Variants in PHF24 observed in about 807,000 individuals in gnomAD.
The protein encoded by PHF24 is PHD finger protein 24, also known as Galpha inhibitory interacting protein.
Under a neutral mutation model 42.6 loss-of-function variants are expected in PHF24, and 25 were observed. The observed-to-expected ratio is 0.59, with a 90% CI of 0.43 to 0.82. The LOEUF (loss-of-function observed/expected upper bound fraction) is 0.82. PHF24 is among the 40% of genes least tolerant of loss of function. The pLI is 0.00. For synonymous variants in PHF24, 185 were observed against 204.8 expected (o/e 0.90, Z 0.83); for missense variants, 470 against 538.1 (o/e 0.87, Z 1.25).
chr9:34,961,171 T>C (rs1826577366), intron 1 of PHF24, among the ~76,000 whole-genome samples: 1 of 152,218 alleles, frequency 6.6e-6, no homozygotes, highest in Non-Finnish European at 1.5e-5. Flanking sequence ...CCCTTCTCTT[T>C]AGCTACAGAA....
chr9:34,801,524 G>C, the PHF24 span, among the ~76,000 whole-genome samples: 3 of 152,112 alleles, frequency 2.0e-5, no homozygotes, highest in African/African-American at 7.2e-5. Context: ...TCAAGAGATT[G>C]AGACCATCCT....
the PHF24 span, among the ~76,000 whole-genome samples, chr9:34,845,354 C>A: frequency 6.6e-6 from 1 of 152,166 alleles, no homozygotes; most frequent in Non-Finnish European, 1.5e-5. Flanking sequence ...GGACTTACTA[C>A]TACCATTTTG....
chr9:34,857,972 GT>G, the PHF24 span, among the ~76,000 whole-genome samples: 8,049 of 95,920 alleles, frequency 0.084, 323 homozygotes, highest in African/African-American at 0.17. Context: ...TGTTTCTCTG[GT>G]TTTTTTTTTT....
chr9:34,928,357 C>T, the PHF24 span, among the ~76,000 whole-genome samples: 1 of 152,036 alleles, frequency 6.6e-6, no homozygotes, highest in African/African-American at 2.4e-5. Context: ...GGGATAGATA[C>T]CCCATTCTCC....
At chr9:34,896,557 T>A in the PHF24 span, among the ~76,000 whole-genome samples, 12 of 152,308 alleles carry the variant, frequency 7.9e-5, no homozygotes, top group East Asian at 2.3e-3. Flanking sequence ...TTCATGGAGA[T>A]GAGTTATTGG....
chr9:34,948,769 CA>C, the PHF24 span, among the ~76,000 whole-genome samples: 52 of 152,276 alleles, frequency 3.4e-4, no homozygotes, highest in African/African-American at 1.3e-3. Flanking sequence ...CTGTATTTCA[CA>C]GTCTGAAAAA....
chr9:34,873,837 G>A, the PHF24 span, among the ~76,000 whole-genome samples: 12 of 151,458 alleles, frequency 7.9e-5, no homozygotes, highest in East Asian at 3.9e-4. Flanking sequence ...CTACCCATGA[G>A]CATGGAATGT....
chr9:34,779,481 T>C, the PHF24 span, among the ~76,000 whole-genome samples: 1 of 152,176 alleles, frequency 6.6e-6, no homozygotes, highest in Non-Finnish European at 1.5e-5. Flanking sequence ...AAAATTTCAG[T>C]TGAATTTGTT....
chr9:34,868,722 C>T, the PHF24 span, among the ~76,000 whole-genome samples: 1 of 152,224 alleles, frequency 6.6e-6, no homozygotes, highest in South Asian at 2.1e-4. Context: ...GAGGGAGGTT[C>T]CCTAAATGCT....
At chr9:34,811,289 T>A in the PHF24 span, among the ~76,000 whole-genome samples, 1 of 152,222 alleles carries the variant, frequency 6.6e-6, no homozygotes, top group Non-Finnish European at 1.5e-5. Context: ...TGAATGTGTC[T>A]CCCAAAGTTC....
the PHF24 span, among the ~76,000 whole-genome samples, chr9:34,907,806 TG>T: frequency 2.0e-5 from 3 of 151,472 alleles, no homozygotes; most frequent in Admixed American, 2.0e-4. Context: ...GCTGTAGTTT[TG>T]GGGTTTTGTT....
At chr9:34,780,879 T>C in the PHF24 span, among the ~76,000 whole-genome samples, 1 of 152,126 alleles carries the variant, frequency 6.6e-6, no homozygotes, top group Non-Finnish European at 1.5e-5. Context: ...CATTAGTCAT[T>C]AGGGAGATGC....
intron 1 of PHF24, among the ~76,000 whole-genome samples, chr9:34,961,631 T>C (rs1436961820): frequency 6.6e-6 from 1 of 152,206 alleles, no homozygotes; most frequent in Non-Finnish European, 1.5e-5. Context: ...GGAACCAATA[T>C]AGAGTATGCC....
At chr9:34,700,567 C>T in the PHF24 span, among the ~76,000 whole-genome samples, 2 of 152,014 alleles carry the variant, frequency 1.3e-5, no homozygotes, top group African/African-American at 2.4e-5. Flanking sequence ...GAGATCAGGA[C>T]CCTGGTATAG....
the PHF24 span, chr9:34,709,953 C>T: frequency 6.2e-7 from 1 of 1,614,124 alleles, no homozygotes; most frequent in Non-Finnish European, 8.5e-7. Flanking sequence ...CTATCCAGGC[C>T]TCTTGATCCC....
the PHF24 span, among the ~76,000 whole-genome samples, chr9:34,858,188 A>C: frequency 6.6e-6 from 1 of 151,516 alleles, no homozygotes; most frequent in Non-Finnish European, 1.5e-5. Context: ...TTTTTCCCTA[A>C]TTGCTTTTGA....
At chr9:34,875,985 C>CTCTA in the PHF24 span, among the ~76,000 whole-genome samples, 1 of 141,820 alleles carries the variant, frequency 7.1e-6, no homozygotes, top group East Asian at 2.1e-4. Context: ...CTCTCTCTCT[C>CTCTA]TCACTCCTTC....
At chr9:34,969,219 G>C (rs1241282663) in intron 1 of PHF24, among the ~76,000 whole-genome samples, 3 of 152,090 alleles carry the variant, frequency 2.0e-5, no homozygotes, top group Admixed American at 2.0e-4. Context: ...TTTTAATCAG[G>C]GGATAACTCG....
chr9:34,923,589 C>T, the PHF24 span, among the ~76,000 whole-genome samples: 2 of 152,084 alleles, frequency 1.3e-5, no homozygotes, highest in Admixed American at 1.3e-4. Context: ...TCTGCTTCTT[C>T]TAGGTTTTTC....
Sources: allele counts gnomAD v4.1 joint callset (sites outside exome capture counted in the v4.1 genomes callset), GRCh38; gene constraint gnomAD v4.1.1; transcripts MANE v1.5; gene names NCBI Gene and HGNC (gene_info 2026-07-23, HGNC 2026-07-21).